OPCML: variants seen among roughly 807,000 people sequenced by gnomAD.
OPCML encodes the protein opioid-binding protein/cell adhesion molecule.
A neutral mutation model predicts 37.8 loss-of-function variants in OPCML; 13 were observed. The observed-to-expected ratio is 0.34, with a 90% CI of 0.22 to 0.55. The LOEUF (loss-of-function observed/expected upper bound fraction) is 0.55. OPCML is among the 20% of genes least tolerant of loss of function. The pLI, the probability that OPCML is intolerant of heterozygous loss-of-function variation, is 0.91. For synonymous variants in OPCML, 176 were observed against 168.8 expected, an observed-to-expected ratio of 1.04 and a Z score of -0.33; for missense variants, 341 against 435.6, an observed-to-expected ratio of 0.78 and a Z score of 1.93.
chr11:133,041,067 G>A (rs1161581846), intron 1 of OPCML, among the ~76,000 whole-genome samples: 2 of 152,150 alleles, frequency 1.3e-5, no homozygotes, highest in Non-Finnish European at 2.9e-5. Flanking sequence ...CTATTTTGGA[G>A]AGTTTGAGTT....
chr11:132,850,121 C>G (rs914334056), intron 2 of OPCML, among the ~76,000 whole-genome samples: 3 of 152,148 alleles, frequency 2.0e-5, no homozygotes, highest in Admixed American at 2.0e-4. Context: ...TGTGTTTAGC[C>G]CTCCCTCTAA....
intron 1 of OPCML, among the ~76,000 whole-genome samples, chr11:132,944,188 C>T (rs934619043): frequency 1.0e-3 from 137 of 131,130 alleles, no homozygotes; most frequent in African/African-American, 3.7e-3. Context: ...TACAGAGGGG[C>T]GGGGTGGGGG....
intron 1 of OPCML, among the ~76,000 whole-genome samples, chr11:133,207,366 A>G (rs1939125312): frequency 1.3e-5 from 2 of 152,130 alleles, no homozygotes; most frequent in Admixed American, 6.5e-5. Context: ...GATACTGAGC[A>G]GGTTAACAGG....
chr11:133,402,843 A>G (rs991694319), intron 1 of OPCML, among the ~76,000 whole-genome samples: 1 of 152,288 alleles, frequency 6.6e-6, no homozygotes, highest in Admixed American at 6.5e-5. Context: ...AAGCCACTGG[A>G]CCCAAGTCGC....
chr11:132,735,640 C>A (rs930343296), intron 2 of OPCML, among the ~76,000 whole-genome samples: 1 of 152,012 alleles, frequency 6.6e-6, no homozygotes, highest in African/African-American at 2.4e-5. Context: ...CCCACCACTA[C>A]GCCCGACTAA....
intron 4 of OPCML, among the ~76,000 whole-genome samples, chr11:132,492,616 G>T (rs374277777): frequency 6.6e-6 from 1 of 152,148 alleles, no homozygotes; most frequent in African/African-American, 2.4e-5. Flanking sequence ...TAGTAAGCTT[G>T]AGAGGCCCAG....
intron 1 of OPCML, among the ~76,000 whole-genome samples, chr11:133,527,487 T>C (rs919109405): frequency 3.3e-5 from 5 of 152,212 alleles, no homozygotes; most frequent in Admixed American, 2.0e-4. Flanking sequence ...GAGTAGATTG[T>C]CTTTTACTAA....
intron 1 of OPCML, among the ~76,000 whole-genome samples, chr11:133,384,247 C>CAAAAAAAAAAAAAAAAAAA (rs1186998875): frequency 7.0e-5 from 5 of 71,242 alleles, no homozygotes; most frequent in African/African-American, 2.3e-4. Flanking sequence ...GGCCACTGTG[C>CAAAAAAAAAAAAAAAAAAA]AAAAAAAAAA....
At chr11:133,487,290 T>C (rs1388308288) in intron 1 of OPCML, among the ~76,000 whole-genome samples, 2 of 152,104 alleles carry the variant, frequency 1.3e-5, no homozygotes. Flanking sequence ...AAATACTTCA[T>C]CTTGCAGCGT....
At chr11:132,637,754 T>C (rs1940599210) in intron 3 of OPCML, among the ~76,000 whole-genome samples, 1 of 152,168 alleles carries the variant, frequency 6.6e-6, no homozygotes, top group Non-Finnish European at 1.5e-5. Flanking sequence ...AACCTGGCAG[T>C]GCTCAGGACA....
chr11:133,482,381 T>G (rs1349352754), intron 1 of OPCML, among the ~76,000 whole-genome samples: 1 of 152,174 alleles, frequency 6.6e-6, no homozygotes, highest in African/African-American at 2.4e-5. Flanking sequence ...GGTTCACCGG[T>G]TTCATACGGG....
intron 1 of OPCML, among the ~76,000 whole-genome samples, chr11:133,198,200 C>T (rs1938614120): frequency 1.3e-5 from 2 of 152,330 alleles, no homozygotes; most frequent in South Asian, 4.1e-4. Context: ...GTTTAAAACT[C>T]TATTCAATTA....
At chr11:133,209,955 T>C (rs1025611378) in intron 1 of OPCML, among the ~76,000 whole-genome samples, 2 of 152,206 alleles carry the variant, frequency 1.3e-5, no homozygotes, top group African/African-American at 2.4e-5. Context: ...ACTGTTGTGA[T>C]GAGTTGGGAA....
At chr11:133,055,708 G>T (rs1948223583) in intron 1 of OPCML, among the ~76,000 whole-genome samples, 1 of 151,208 alleles carries the variant, frequency 6.6e-6, no homozygotes, top group Non-Finnish European at 1.5e-5. Context: ...GAGACCCCAT[G>T]AGGGAGCCAC....
intron 1 of OPCML, among the ~76,000 whole-genome samples, chr11:133,493,651 A>G (rs1591562200): frequency 6.6e-6 from 1 of 152,212 alleles, no homozygotes. Flanking sequence ...TTTAGTGGAC[A>G]TCATTGCAGT....
At chr11:132,443,507 G>A (rs2096043748) in intron 4 of OPCML, among the ~76,000 whole-genome samples, 1 of 152,206 alleles carries the variant, frequency 6.6e-6, no homozygotes, top group South Asian at 2.1e-4. Context: ...GGAATCAAAT[G>A]TCCAGGTGAT....
At chr11:132,806,998 T>C (rs1242322965) in intron 2 of OPCML, among the ~76,000 whole-genome samples, 2 of 152,088 alleles carry the variant, frequency 1.3e-5, no homozygotes, top group African/African-American at 4.8e-5. Context: ...ATGAAATATA[T>C]CAAAATGTTA....
At chr11:132,608,378 G>T (rs1303769285) in intron 3 of OPCML, among the ~76,000 whole-genome samples, 3 of 152,206 alleles carry the variant, frequency 2.0e-5, no homozygotes, top group Non-Finnish European at 4.4e-5. Flanking sequence ...GTCCAGGGAA[G>T]AGGGACTGCT....
chr11:132,757,446 A>G (rs1426851643), intron 2 of OPCML, among the ~76,000 whole-genome samples: 1 of 152,140 alleles, frequency 6.6e-6, no homozygotes, highest in Non-Finnish European at 1.5e-5. Flanking sequence ...ATTTCTCCAC[A>G]TCCTCTCCAG....
Sources: gnomAD v4.1 joint callset for allele counts (sites outside exome capture counted in the v4.1 genomes callset) on GRCh38, gnomAD v4.1.1 for gene constraint, MANE v1.5 for transcripts, NCBI Gene and HGNC (gene_info 2026-07-23, HGNC 2026-07-21) for gene names.